The following MAP3K13 variants were observed in gnomAD, a reference collection of about 807,000 sequenced individuals.
MAP3K13 encodes the protein mitogen-activated protein kinase kinase kinase 13, also known as leucine zipper-bearing kinase.
In MAP3K13, 52 loss-of-function variants were observed where a neutral mutation model predicts 104.0. That is an observed-to-expected ratio of 0.50 (90% confidence interval 0.40 to 0.63). The LOEUF (loss-of-function observed/expected upper bound fraction) is 0.63, where lower values mean the gene tolerates loss of function less well. Among genes scored for constraint, MAP3K13 ranks in the 20% least tolerant of loss-of-function variants. The pLI is 0.00. For synonymous variants in MAP3K13, 394 were observed against 442.2 expected (o/e 0.89, Z 1.37); for missense variants, 914 against 1,218.5 (o/e 0.75, Z 3.72).
chr3:185,312,590 C>T (rs1414242937), intron 2 of MAP3K13, among the ~76,000 whole-genome samples: 1 of 152,136 alleles, frequency 6.6e-6, no homozygotes, highest in Non-Finnish European at 1.5e-5. Flanking sequence ...TAAATGCAAT[C>T]GGGGCACTTC....
At chr3:185,344,261 G>A (rs1045365040) in intron 2 of MAP3K13, among the ~76,000 whole-genome samples, 1 of 152,158 alleles carries the variant, frequency 6.6e-6, no homozygotes, top group Admixed American at 6.5e-5. Context: ...AAGAAGTTTG[G>A]TGGTAAAGAA....
Position 185,486,393 on chromosome 3 carries a change from A to C in MAP3K13, c.*3937A>C, listed in dbSNP as rs948665365. 6.6e-6 allele frequency: 1 copy of C among 152,182 alleles called. No homozygotes were observed. Among genetic ancestry groups the C allele is most frequent in the Non-Finnish European group, 1.5e-5 (1 of 68,034 alleles). 9.4% of individuals were successfully genotyped at this position (152,182 alleles called of 1,614,324 possible). The stretch of plus-strand genomic sequence containing the variant: ...TAGAATTGACTAGAGGTTTCAGAGG[A>C]GAATAAGGTCCTTAGTGGAGGTTAA... On this transcript the variant is annotated 3_prime_UTR_variant, in exon 14 of 14. Transcript: ENST00000265026.
At chr3:185,321,904 G>A (rs1048717094) in intron 2 of MAP3K13, among the ~76,000 whole-genome samples, 4 of 152,118 alleles carry the variant, frequency 2.6e-5, no homozygotes, top group Non-Finnish European at 4.4e-5. Context: ...ACGCCCGGCC[G>A]TGACTGAGTT....
intron 2 of MAP3K13, among the ~76,000 whole-genome samples, chr3:185,296,697 GC>G (rs546267823): frequency 7.8e-4 from 118 of 152,226 alleles, no homozygotes; most frequent in African/African-American, 2.8e-3. Flanking sequence ...CACATGGTGG[GC>G]CCTTAGAACT....
chr3:185,381,237 C>T (rs1724705472), intron 1 of MAP3K13, among the ~76,000 whole-genome samples: 1 of 152,196 alleles, frequency 6.6e-6, no homozygotes. Flanking sequence ...GCTAGGATTA[C>T]AGGCATGAGC....
chr3:185,343,697 C>T (rs930087396), intron 2 of MAP3K13, among the ~76,000 whole-genome samples: 12 of 152,266 alleles, frequency 7.9e-5, no homozygotes, highest in African/African-American at 2.2e-4. Flanking sequence ...GTGATCTGCC[C>T]GCCTTGGCCT....
intron 1 of MAP3K13, among the ~76,000 whole-genome samples, chr3:185,403,761 GCTGGTTTATC>G (rs1195114801): frequency 6.6e-6 from 1 of 152,118 alleles, no homozygotes; most frequent in African/African-American, 2.4e-5. Flanking sequence ...AAACCTAATG[GCTGGTTTATC>G]CATCACAGGT....
intron 1 of MAP3K13, among the ~76,000 whole-genome samples, chr3:185,413,531 A>G (rs941851521): frequency 1.3e-5 from 2 of 152,230 alleles, no homozygotes; most frequent in African/African-American, 4.8e-5. Context: ...AATGTTAAAA[A>G]CAGAATGGGG....
At chr3:185,427,416 G>A (rs1714491960) in intron 1 of MAP3K13, among the ~76,000 whole-genome samples, 1 of 152,088 alleles carries the variant, frequency 6.6e-6, no homozygotes, top group South Asian at 2.1e-4. Flanking sequence ...GACTATGCGT[G>A]ATCTGGCCAA....
At chr3:185,302,645 T>C (rs1167134450) in intron 2 of MAP3K13, among the ~76,000 whole-genome samples, 3 of 152,208 alleles carry the variant, frequency 2.0e-5, no homozygotes, top group African/African-American at 7.2e-5. Context: ...TGGTCATTGT[T>C]AGTGTATAGA....
At chr3:185,429,213 G>A (rs1290896757) in intron 2 of MAP3K13, among the ~76,000 whole-genome samples, 157 bp downstream of exon 2, 2 of 152,190 alleles carry the variant, frequency 1.3e-5, no homozygotes, top group Non-Finnish European at 2.9e-5. Context: ...ACCAGCTGAA[G>A]GGAAGAGATT....
intron 4 of MAP3K13, among the ~76,000 whole-genome samples, chr3:185,446,320 A>G (rs1304953154): frequency 6.6e-6 from 1 of 151,626 alleles, no homozygotes; most frequent in Non-Finnish European, 1.5e-5. Context: ...CAGTGGCACA[A>G]TCTCCACTCA....
chr3:185,455,265 A>ATAT (rs1412224974), intron 7 of MAP3K13, among the ~76,000 whole-genome samples: 404 of 29,610 alleles, frequency 0.014, 107 homozygotes, highest in Non-Finnish European at 0.024. Flanking sequence ...GAGATATATG[A>ATAT]GATATATATG....
In MAP3K13 at chr3:185,455,358, TATGA is replaced by T. The variant is rs1294904879; in HGVS notation, c.1278+3964_1278+3967del. 8.4e-5 allele frequency among the ~76,000 whole-genome samples: 9 copies of T among 107,204 alleles called. 2 individuals are homozygous for T. Among genetic ancestry groups the T allele is most frequent in the Non-Finnish European group, 1.3e-4 (7 of 54,258 alleles). The allele number at this position is 107,204 out of a possible 152,430, so 70.3% of individuals were successfully genotyped here. A position where few individuals can be genotyped will look rare whatever the true frequency, so the allele number is the denominator to read the frequency against. On this transcript the variant is annotated intron_variant, in intron 7 of 13. Transcript: ENST00000265026. ...ATATATGAGATATATATGATATATA[TATGA>T]GATATATATGATATATATGATATAT...
chr3:185,295,667 C>T (rs1168814085), intron 2 of MAP3K13, among the ~76,000 whole-genome samples: 1 of 139,030 alleles, frequency 7.2e-6, no homozygotes, highest in East Asian at 2.1e-4. Context: ...GACCTCCCTT[C>T]TCTATCATTC....
intron 2 of MAP3K13, among the ~76,000 whole-genome samples, chr3:185,342,767 T>G (rs540546344): frequency 1.3e-5 from 2 of 152,328 alleles, no homozygotes; most frequent in African/African-American, 4.8e-5. Context: ...CGTAACAATA[T>G]AATCACAAAC....
intron 3 of MAP3K13, 123 bp downstream of exon 3, chr3:185,437,753 G>A (rs894234030): frequency 7.9e-6 from 7 of 886,574 alleles, no homozygotes; most frequent in Admixed American, 2.8e-5. Flanking sequence ...TGTGCTAGGT[G>A]CTTTGGGAGG....
At chr3:185,395,023 C>T (rs879589331) in intron 1 of MAP3K13, among the ~76,000 whole-genome samples, 3 of 152,074 alleles carry the variant, frequency 2.0e-5, no homozygotes, top group Non-Finnish European at 4.4e-5. Context: ...TGCATGCCAA[C>T]TTTATATCAA....
intron 1 of MAP3K13, among the ~76,000 whole-genome samples, chr3:185,416,991 T>G (rs1380546695): frequency 6.6e-6 from 1 of 152,082 alleles, no homozygotes; most frequent in Non-Finnish European, 1.5e-5. Context: ...TAATAATAAT[T>G]TTTAAACCAT....
Sources: allele counts gnomAD v4.1 joint callset (sites outside exome capture counted in the v4.1 genomes callset), GRCh38; gene constraint gnomAD v4.1.1; transcripts MANE v1.5; gene names NCBI Gene and HGNC (gene_info 2026-07-23, HGNC 2026-07-21).